Variants in LINGO2 observed in about 807,000 individuals in gnomAD.
LINGO2 encodes the protein leucine-rich repeat and immunoglobulin-like domain-containing nogo receptor-interacting protein 2.
Under a neutral mutation model 30.6 loss-of-function variants are expected in LINGO2, and 14 were observed. That is an observed-to-expected ratio of 0.46 (90% CI 0.30 to 0.72). The LOEUF (loss-of-function observed/expected upper bound fraction) is 0.72, where lower values mean the gene tolerates loss of function less well. Ranked by LOEUF, LINGO2 falls within the 30% of genes least tolerant of loss-of-function variation. LINGO2 has a pLI of 0.07. For missense variants in LINGO2, 729 were observed against 751.7 expected (o/e 0.97, Z 0.35); for synonymous variants, 317 against 288.5 (o/e 1.10, Z -1.00).
chr9:28,273,233 C>T (rs1823004834), intron 4 of LINGO2, among the ~76,000 whole-genome samples: 1 of 152,034 alleles, frequency 6.6e-6, no homozygotes. Flanking sequence ...TATTTTATAC[C>T]CAAGAGTTAT....
intron 4 of LINGO2, among the ~76,000 whole-genome samples, chr9:28,052,020 T>G (rs1201339508): frequency 6.6e-6 from 1 of 152,070 alleles, no homozygotes; most frequent in East Asian, 1.9e-4. Flanking sequence ...CAGTTGGGGC[T>G]GTCTCTTGCA....
the LINGO2 span, among the ~76,000 whole-genome samples, chr9:28,851,332 G>A: frequency 6.6e-6 from 1 of 151,978 alleles, no homozygotes; most frequent in African/African-American, 2.4e-5. Context: ...CTCTTCCTCT[G>A]CCTTCAAAGC....
chr9:29,040,003 T>C, the LINGO2 span, among the ~76,000 whole-genome samples: 6 of 152,176 alleles, frequency 3.9e-5, no homozygotes, highest in African/African-American at 1.4e-4. Context: ...CATTTTTAGA[T>C]TCTAATTTGA....
chr9:27,985,472 GTT>G (rs1202830506), intron 5 of LINGO2, among the ~76,000 whole-genome samples: 8 of 151,808 alleles, frequency 5.3e-5, no homozygotes, highest in African/African-American at 1.9e-4. Flanking sequence ...AGCTTGAACA[GTT>G]TAACTGTGCA....
intron 3 of LINGO2, among the ~76,000 whole-genome samples, chr9:28,300,806 T>C (rs1322133163): frequency 6.6e-6 from 1 of 151,612 alleles, no homozygotes; most frequent in East Asian, 1.9e-4. Flanking sequence ...GTATTGCTCA[T>C]AGTCTAGTAG....
chr9:28,779,356 C>CTG, the LINGO2 span, among the ~76,000 whole-genome samples: 10 of 152,138 alleles, frequency 6.6e-5, no homozygotes, highest in African/African-American at 2.4e-4. Context: ...CCCACCTGCT[C>CTG]TGGTATGGCA....
At chr9:28,394,761 A>G (rs1455564063) in intron 2 of LINGO2, among the ~76,000 whole-genome samples, 1 of 152,214 alleles carries the variant, frequency 6.6e-6, no homozygotes, top group Non-Finnish European at 1.5e-5. Context: ...GATTCTTATT[A>G]AGAAAGAAAA....
chr9:28,008,504 C>G (rs1181252230), intron 5 of LINGO2, among the ~76,000 whole-genome samples: 6 of 151,716 alleles, frequency 4.0e-5, no homozygotes, highest in Admixed American at 3.9e-4. Flanking sequence ...GGAAAAGACT[C>G]AGATTGTAAA....
intron 1 of LINGO2, among the ~76,000 whole-genome samples, chr9:28,607,087 T>C (rs920785761): frequency 6.6e-6 from 1 of 152,042 alleles, no homozygotes; most frequent in African/African-American, 2.4e-5. Flanking sequence ...TATTCTGAGA[T>C]TGCAAGGAAC....
chr9:28,052,489 C>T (rs1824722638), intron 4 of LINGO2, among the ~76,000 whole-genome samples: 1 of 152,000 alleles, frequency 6.6e-6, no homozygotes, highest in Non-Finnish European at 1.5e-5. Flanking sequence ...CATCATTTCC[C>T]AGAGGTATAC....
chr9:29,071,847 A>G, the LINGO2 span, among the ~76,000 whole-genome samples: 5 of 152,214 alleles, frequency 3.3e-5, no homozygotes, highest in Middle Eastern at 3.4e-3. Context: ...AAATCCTAGT[A>G]TATTTATGCT....
chr9:27,965,802 C>T (rs1042905978), intron 5 of LINGO2, among the ~76,000 whole-genome samples: 3 of 152,000 alleles, frequency 2.0e-5, no homozygotes, highest in African/African-American at 7.3e-5. Flanking sequence ...TTTGAGGTCT[C>T]TTTGAAATTA....
chr9:28,498,281 C>T (rs1389718648), intron 1 of LINGO2, among the ~76,000 whole-genome samples: 1 of 152,200 alleles, frequency 6.6e-6, no homozygotes, highest in African/African-American at 2.4e-5. Flanking sequence ...GCAGGCAGGC[C>T]TCCTTGAGCA....
chr9:28,637,344 C>T (rs1479022202), intron 1 of LINGO2, among the ~76,000 whole-genome samples: 1 of 151,964 alleles, frequency 6.6e-6, no homozygotes. Context: ...AGTAGTTTTG[C>T]CAATTCTGTG....
At chr9:28,535,900 A>T (rs1401111325) in intron 1 of LINGO2, among the ~76,000 whole-genome samples, 1 of 152,210 alleles carries the variant, frequency 6.6e-6, no homozygotes, top group Non-Finnish European at 1.5e-5. Flanking sequence ...CTGGATTTGT[A>T]ATGCTCTTGG....
the LINGO2 span, among the ~76,000 whole-genome samples, chr9:28,791,751 A>G: frequency 6.6e-6 from 1 of 151,948 alleles, no homozygotes; most frequent in Admixed American, 6.6e-5. Flanking sequence ...ATACAGTATT[A>G]TATCATTTTA....
intron 3 of LINGO2, among the ~76,000 whole-genome samples, chr9:28,301,478 G>A (rs1242290754): frequency 1.3e-5 from 2 of 152,108 alleles, no homozygotes; most frequent in Non-Finnish European, 2.9e-5. Context: ...GATAATGTGG[G>A]TTCTTGGGCA....
chr9:28,714,015 C>T, the LINGO2 span, among the ~76,000 whole-genome samples: 7 of 151,534 alleles, frequency 4.6e-5, no homozygotes, highest in Non-Finnish European at 7.4e-5. Context: ...AAAATTTAGC[C>T]GGGCCTGGTG....
the LINGO2 span, among the ~76,000 whole-genome samples, chr9:28,959,587 A>ATCTCTT: frequency 0.55 from 57,246 of 103,784 alleles, 12,870 homozygotes; most frequent in Admixed American, 0.59. Flanking sequence ...CTTTTCTTTT[A>ATCTCTT]TCTCTCTCTC....
Sources: gnomAD v4.1 joint callset for allele counts (sites outside exome capture counted in the v4.1 genomes callset) on GRCh38, gnomAD v4.1.1 for gene constraint, MANE v1.5 for transcripts, NCBI Gene and HGNC (gene_info 2026-07-23, HGNC 2026-07-21) for gene names.